The following RFTN1 variants were observed in gnomAD, a reference collection of about 807,000 sequenced individuals.
The protein encoded by RFTN1 is raftlin, lipid raft linker 1.
RFTN1 carries 26 observed loss-of-function variants against 46.5 expected under a neutral mutation model. That is an observed-to-expected ratio of 0.56 (90% confidence interval 0.41 to 0.78). The LOEUF (loss-of-function observed/expected upper bound fraction) is 0.78. Among genes scored for constraint, RFTN1 ranks in the 30% least tolerant of loss-of-function variants. The pLI, the probability that RFTN1 is intolerant of heterozygous loss-of-function variation, is 0.00. For missense variants in RFTN1, 693 were observed against 718.7 expected, an observed-to-expected ratio of 0.96 and a Z score of 0.41; for synonymous variants, 261 against 284.2, an observed-to-expected ratio of 0.92 and a Z score of 0.82.
chr3:16,380,414 T>A lies in RFTN1; in HGVS notation c.442-2312A>T, dbSNP rs952198605. ...TCATCTAGAGTGAAGAGGCGAGGAC[T>A]CCAGACACAGGGCATTATCCTAGCC... On this transcript the variant is annotated intron_variant, in intron 4 of 9. Coordinates refer to ENST00000334133, the MANE Select transcript of RFTN1 (RefSeq NM_015150.2). This position sits in a 1 kb window ranked among gnomAD's most constrained non-coding sequence, Gnocchi z 4.8. Among the ~76,000 whole-genome samples the A allele has an allele frequency of 6.6e-6, 1 of 152,184 alleles. No individual in the cohort carries two copies. The highest frequency in any genetic ancestry group is 2.4e-5 in the African/African-American group (1 of 41,448).
rs1007579489 is a variant in RFTN1, at chr3:16,320,357, G to A, written c.1332+3019C>T. ...AGAAGACTAAATATGCCACATCCTC[G>A]GTGTGCCAATCTTGCAGTTTCTTTT... On this transcript the variant is annotated intron_variant, in intron 9 of 9. Transcript: ENST00000334133. The surrounding 1 kb of genome is among the most constrained non-coding windows in gnomAD (Gnocchi z 4.5). Among the ~76,000 whole-genome samples, 1 of 152,148 alleles carries A rather than the reference G, an allele frequency of 6.6e-6. No individual in the cohort carries two copies. The highest frequency in any genetic ancestry group is 1.5e-5 in the Non-Finnish European group (1 of 68,032).
intron 2 of RFTN1, among the ~76,000 whole-genome samples, chr3:16,438,375 A>C (rs1422957829): frequency 2.6e-5 from 4 of 151,914 alleles, no homozygotes; most frequent in African/African-American, 9.7e-5. Flanking sequence ...ATTTGAGAGC[A>C]GGAGTTCGAG....
chr3:16,437,617 C>T (rs1341478245), intron 2 of RFTN1, among the ~76,000 whole-genome samples: 1 of 152,146 alleles, frequency 6.6e-6, no homozygotes, highest in East Asian at 1.9e-4. Flanking sequence ...GCTGAGATCG[C>T]ACCACTGCAC....
chr3:16,493,691 C>A (rs778474090), intron 2 of RFTN1, 34 bp downstream of exon 2: 1 of 1,591,414 alleles, frequency 6.3e-7, no homozygotes, highest in Non-Finnish European at 8.6e-7. Context: ...GGAGACCCCA[C>A]CTGCCCCCAT....
rs1459176191 is a variant in RFTN1 at position 16,473,871 on chromosome 3, C to T, written c.145+19854G>A. 2.0e-5 allele frequency among the ~76,000 whole-genome samples: 3 copies of T among 152,230 alleles called. No individual in the cohort carries two copies. The highest frequency in any genetic ancestry group is 2.9e-5 in the Non-Finnish European group (2 of 68,040). On this transcript the variant is annotated intron_variant, in intron 2 of 9. Coordinates refer to ENST00000334133, the MANE Select transcript of RFTN1 (RefSeq NM_015150.2). The surrounding 1 kb of genome is among the most constrained non-coding windows in gnomAD (Gnocchi z 5.3). Reference sequence around the variant, plus strand: ...GAAACCTACCTCTCCGGGCTGCCCTCGCCCTTGTGAACACTGACTTCTCTG... The same window carrying T: ...GAAACCTACCTCTCCGGGCTGCCCTTGCCCTTGTGAACACTGACTTCTCTG...
chr3:16,403,862 AT>A lies in RFTN1; in HGVS notation c.441+5512del, dbSNP rs1262914430. Among the ~76,000 whole-genome samples, 2 of 1,678 alleles carry A rather than the reference AT, an allele frequency of 1.2e-3. 1 individual carries two copies. Among genetic ancestry groups the A allele is most frequent in the Non-Finnish European group, 1.5e-3 (2 of 1,368 alleles). 1.1% of individuals were successfully genotyped at this position (1,678 alleles called of 152,430 possible). On this transcript the variant is annotated intron_variant, in intron 4 of 9. Coordinates refer to ENST00000334133, the MANE Select transcript of RFTN1 (RefSeq NM_015150.2). ...ATAATATAATATATATTTTATATAT[AT>A]TATATTATATTTATATATATATATA...
At chr3:16,497,862 T>G (rs1477417688) in intron 1 of RFTN1, among the ~76,000 whole-genome samples, 9 of 152,206 alleles carry the variant, frequency 5.9e-5, no homozygotes. Flanking sequence ...TAATCTATAT[T>G]TAGTTTCTTT....
At chr3:16,470,684 A>T (rs558029512) in intron 2 of RFTN1, among the ~76,000 whole-genome samples, 3 of 152,356 alleles carry the variant, frequency 2.0e-5, no homozygotes, top group Admixed American at 6.5e-5. Context: ...CAAGAGACAG[A>T]GTTGGCAGCT....
At chr3:16,396,463 T>C (rs1462733782) in intron 4 of RFTN1, among the ~76,000 whole-genome samples, 1 of 152,166 alleles carries the variant, frequency 6.6e-6, no homozygotes, top group Non-Finnish European at 1.5e-5. Context: ...ACAAATCCAA[T>C]TGACCTAGTT....
At chr3:16,488,420 G>A (rs947229457) in intron 2 of RFTN1, among the ~76,000 whole-genome samples, 2 of 152,128 alleles carry the variant, frequency 1.3e-5, no homozygotes, top group Admixed American at 1.3e-4. Context: ...TTTGGAAAAT[G>A]CACATGGCAC....
chr3:16,503,224 C>T (rs2076743462), intron 1 of RFTN1, among the ~76,000 whole-genome samples: 1 of 152,194 alleles, frequency 6.6e-6, no homozygotes. Context: ...TGCTACTCAA[C>T]ATGTGGACCT....
At chr3:16,373,613 G>A (rs1320628025) in intron 5 of RFTN1, among the ~76,000 whole-genome samples, 1 of 152,246 alleles carries the variant, frequency 6.6e-6, no homozygotes, top group South Asian at 2.1e-4. Flanking sequence ...GGGACTGGCT[G>A]GGCCCTGCTG....
intron 4 of RFTN1, among the ~76,000 whole-genome samples, chr3:16,406,508 A>C (rs1033166806): frequency 6.6e-6 from 1 of 152,230 alleles, no homozygotes; most frequent in African/African-American, 2.4e-5. Flanking sequence ...ATCTGGAGAC[A>C]CTGCGGGTCA....
chr3:16,420,960 A>G (rs1392245358), intron 3 of RFTN1, among the ~76,000 whole-genome samples: 1 of 152,168 alleles, frequency 6.6e-6, no homozygotes, highest in Non-Finnish European at 1.5e-5. Context: ...CCACACTTTG[A>G]GTAGCAAGAT....
intron 3 of RFTN1, among the ~76,000 whole-genome samples, chr3:16,415,867 C>A (rs763298270): frequency 1.3e-4 from 20 of 152,132 alleles, no homozygotes; most frequent in Non-Finnish European, 2.8e-4. Flanking sequence ...ATTTAATCCA[C>A]CCTATGCAAA....
At chr3:16,364,871 G>A (rs1020317291) in intron 6 of RFTN1, among the ~76,000 whole-genome samples, 2 of 152,160 alleles carry the variant, frequency 1.3e-5, no homozygotes, top group Non-Finnish European at 2.9e-5. Flanking sequence ...TTACTCTGGG[G>A]GGATAGAAAC....
Position 16,323,549 on chromosome 3 carries a change from C to T in RFTN1, c.1251-92G>A. The stretch of plus-strand genomic sequence containing the variant: ...GTTGCCATCCCTAATTTCATCAAAG[C>T]AGACCACCCACAGGATTATGACAGG... On this transcript the variant is annotated intron_variant, in intron 8 of 9. Coordinates refer to ENST00000334133, the MANE Select transcript of RFTN1 (RefSeq NM_015150.2). 3.5e-6 allele frequency: 3 copies of T among 853,424 alleles called. No individual in the cohort carries two copies. In the East Asian group the frequency reaches 7.4e-5, roughly 21 times the overall value. The allele number at this position is 853,424 out of a possible 1,614,324, so 52.9% of individuals were successfully genotyped here.
At position 16,468,397 on chromosome 3, in the gene RFTN1, A is replaced by C. The variant is rs2076138021; in HGVS notation, c.145+25328T>G. ...TCTGCCTATACCCCATGACTGTCAA[A>C]AATGTCCCCACCCTGGGATCAGGCA... On this transcript the variant is annotated intron_variant, in intron 2 of 9. Coordinates refer to ENST00000334133, the MANE Select transcript of RFTN1 (RefSeq NM_015150.2). This position sits in a 1 kb window ranked among gnomAD's most constrained non-coding sequence, Gnocchi z 4.4. Among the ~76,000 whole-genome samples the C allele has an allele frequency of 6.6e-6, 1 of 152,192 alleles. No individual in the cohort carries two copies. The highest frequency in any genetic ancestry group is 2.1e-4 in the South Asian group (1 of 4,826).
chr3:16,373,839 T>A (rs537541433), intron 5 of RFTN1, among the ~76,000 whole-genome samples: 2 of 152,014 alleles, frequency 1.3e-5, no homozygotes, highest in African/African-American at 2.4e-5. Flanking sequence ...AAGGTTTGCA[T>A]TGGGAAGGGA....
Sources: allele counts gnomAD v4.1 joint callset (sites outside exome capture counted in the v4.1 genomes callset), GRCh38; gene constraint gnomAD v4.1.1; non-coding constraint Gnocchi (gnomAD v3.1); transcripts MANE v1.5; gene names NCBI Gene and HGNC (gene_info 2026-07-23, HGNC 2026-07-21).